The following CPOX variants were observed in gnomAD, a reference collection of about 807,000 sequenced individuals.
The protein encoded by CPOX is oxygen-dependent coproporphyrinogen-III oxidase, mitochondrial.
A neutral mutation model predicts 48.9 loss-of-function variants in CPOX; 24 were observed. That is an observed-to-expected ratio of 0.49 (90% CI 0.36 to 0.69). The LOEUF is 0.69. CPOX is among the 30% of genes least tolerant of loss of function. The probability of loss-of-function intolerance (pLI) is 0.00; values close to 1 mark genes in which losing one functional copy is unlikely to be tolerated. For synonymous variants in CPOX, 249 were observed against 234.6 expected, an observed-to-expected ratio of 1.06 and a Z score of -0.56; for missense variants, 549 against 597.3, an observed-to-expected ratio of 0.92 and a Z score of 0.84.
chr3:98,586,868 C>A (rs1274194974), intron 4 of CPOX, among the ~76,000 whole-genome samples: 3 of 152,008 alleles, frequency 2.0e-5, no homozygotes, highest in Admixed American at 2.0e-4. Context: ...GGCGTGAACC[C>A]GGAAGGCAGA....
intron 5 of CPOX, among the ~76,000 whole-genome samples, chr3:98,584,566 C>T (rs1559675488): frequency 6.6e-6 from 1 of 152,168 alleles, no homozygotes; most frequent in Admixed American, 6.5e-5. Flanking sequence ...AAAGCTTTAC[C>T]TCTTTAGTAC....
intron 4 of CPOX, among the ~76,000 whole-genome samples, chr3:98,588,220 T>C (rs1707404316): frequency 1.0e-5 from 1 of 96,988 alleles, no homozygotes; most frequent in Non-Finnish European, 2.0e-5. Context: ...CTGGGTCTTC[T>C]CCCAACTTTT....
At chr3:98,577,785 C>G (rs1707184304), downstream of CPOX, among the ~76,000 whole-genome samples, 1 of 152,206 alleles carries the variant, frequency 6.6e-6, no homozygotes, top group South Asian at 2.1e-4. Context: ...CCAAGATGAG[C>G]TGAGCCTTTG....
At chr3:98,585,922 G>A in intron 4 of CPOX, 1 of 388,960 alleles carries the variant, frequency 2.6e-6, no homozygotes, top group South Asian at 2.1e-5. Flanking sequence ...CCCCACGCTG[G>A]AGTGCAGTGG....
Position 98,593,446 on chromosome 3 carries a change from C to T in CPOX, c.59G>A (p.Gly20Asp), listed in dbSNP as rs1317076004. 1 of 1,489,536 alleles carries T rather than the reference C, an allele frequency of 6.7e-7. No individual in the cohort carries two copies. Among genetic ancestry groups the T allele is most frequent in the Admixed American group, 2.2e-5 (1 of 45,104 alleles). 92.3% of individuals were successfully genotyped at this position (1,489,536 alleles called of 1,614,324 possible). Residue 20 changes from glycine to aspartate, a missense_variant, in exon 1 of 7, where the codon GGC (glycine) becomes GAC (aspartate). Transcript: ENST00000647941. ...GGACCAGGCGCGGGGCCCTCCGCAGCCGCCCCGCGCCACGAGCCAGCAGGG... is the reference window on the plus strand; with the variant it reads ...GGACCAGGCGCGGGGCCCTCCGCAGTCGCCCCGCGCCACGAGCCAGCAGGG... ...SGPCWLVARGGCGGPRAWSQC... is the reference protein window; with the variant it reads ...SGPCWLVARGDCGGPRAWSQC...
At chr3:98,581,608 C>A (rs1707260763) in intron 5 of CPOX, 97 bp from the exon 6 acceptor site, 2 of 911,668 alleles carry the variant, frequency 2.2e-6, no homozygotes, top group South Asian at 1.4e-5. Context: ...TTCTTCCCCC[C>A]AGTTCCCATC....
chr3:98,575,159 G>A (rs60071844), downstream of CPOX, among the ~76,000 whole-genome samples: 61,095 of 152,012 alleles, frequency 0.4, 12,409 homozygotes, highest in Middle Eastern at 0.49. Flanking sequence ...GAGGCATTCA[G>A]CCAGTACAGC....
At chr3:98,579,383 A>G (rs1337656886), downstream of CPOX, 1 of 536,842 alleles carries the variant, frequency 1.9e-6, no homozygotes, top group African/African-American at 2.1e-5. Flanking sequence ...TCAAGGATCA[A>G]CTGTACTAAG....
At position 98,585,482 on chromosome 3, in the gene CPOX, G is replaced by C; in HGVS notation, c.1131C>G (p.Phe377Leu). ...PLVKKHCDDS[F>L]TPQEKLWQQL... ...GCTGCCACAGCTTCTCCTGGGGGGT[G>C]AATGAGTCATCACAGTGCTTTTTCA... Residue 377 changes from phenylalanine to leucine, a missense_variant, in exon 5 of 7, where the codon TTC becomes TTG. Phe to Leu is a conservative substitution (Grantham distance 22, BLOSUM62 0). Coordinates refer to ENST00000647941, the MANE Select transcript of CPOX (RefSeq NM_000097.7). 1 of 1,614,062 alleles carries C rather than the reference G, an allele frequency of 6.2e-7. No homozygotes were observed. Among genetic ancestry groups the C allele is most frequent in the Non-Finnish European group, 8.5e-7 (1 of 1,180,008 alleles).
At chr3:98,587,695 T>C (rs145505813) in intron 4 of CPOX, among the ~76,000 whole-genome samples, 36 of 151,786 alleles carry the variant, frequency 2.4e-4, no homozygotes, top group African/African-American at 7.3e-4. Context: ...TACTGCCAGA[T>C]TGGGGGTTAA....
the CPOX span, among the ~76,000 whole-genome samples, chr3:98,572,210 A>C: frequency 1.3e-5 from 2 of 152,186 alleles, no homozygotes. Context: ...CTCCTTGTGA[A>C]TATAGTTATG....
chr3:98,578,500 T>C (rs191796811), downstream of CPOX, among the ~76,000 whole-genome samples: 1 of 152,336 alleles, frequency 6.6e-6, no homozygotes, highest in African/African-American at 2.4e-5. Flanking sequence ...CATTTTAAGT[T>C]CAGTGAATTT....
At chr3:98,590,851 T>A in intron 2 of CPOX, 109 bp from the exon 3 acceptor site, 1 of 1,237,666 alleles carries the variant, frequency 8.1e-7, no homozygotes, top group Non-Finnish European at 1.2e-6. Context: ...TGCTTTTTAA[T>A]TTGTCACTTA....
At chr3:98,577,714 C>T (rs1707183124), downstream of CPOX, among the ~76,000 whole-genome samples, 1 of 152,208 alleles carries the variant, frequency 6.6e-6, no homozygotes, top group Non-Finnish European at 1.5e-5. Flanking sequence ...CACCATACTG[C>T]CTTTGCCTTT....
chr3:98,589,516 C>CACACAT (rs765150856), intron 3 of CPOX: 8 of 150,626 alleles, frequency 5.3e-5, no homozygotes, highest in African/African-American at 1.9e-4. Flanking sequence ...TCACAATAAA[C>CACACAT]ACACACACAC....
rs150235153 is a variant in CPOX at position 98,585,477 on chromosome 3, G to C, written c.1136C>G (p.Pro379Arg). The C allele has an allele frequency of 2.2e-5, 35 of 1,613,920 alleles. No homozygotes were observed. The highest frequency in any genetic ancestry group is 2.7e-5 in the Non-Finnish European group (32 of 1,180,026). Reference sequence around the variant, plus strand: ...GAGCTGCTGCCACAGCTTCTCCTGGGGGGTGAATGAGTCATCACAGTGCTT... The same window carrying C: ...GAGCTGCTGCCACAGCTTCTCCTGGCGGGTGAATGAGTCATCACAGTGCTT... ...VKKHCDDSFTPQEKLWQQLRR... is the reference protein window; with the variant it reads ...VKKHCDDSFTRQEKLWQQLRR... The change falls in exon 5 of 7, where the codon CCC (proline) becomes CGC (arginine). Residue 379 changes from proline to arginine, a missense_variant. Physicochemically the swap from Pro to Arg is moderately radical, Grantham distance 103. This residue lies in a region of CPOX where 213 missense variants were observed against 279.1 expected (regional missense o/e 0.76). Coordinates refer to ENST00000647941, the MANE Select transcript of CPOX (RefSeq NM_000097.7).
intron 4 of CPOX, among the ~76,000 whole-genome samples, chr3:98,586,084 G>A (rs998842482): frequency 1.6e-4 from 25 of 152,074 alleles, no homozygotes; most frequent in Admixed American, 5.2e-4. Context: ...GTGTTAACCA[G>A]GGTGGTCTCG....
In CPOX at chr3:98,579,658, T is replaced by G; in HGVS notation, c.*1025A>C. 1.0e-6 allele frequency: 1 copy of G among 984,800 alleles called. No individual in the cohort carries two copies. The highest frequency in any genetic ancestry group is 1.2e-6 in the Non-Finnish European group (1 of 829,348). 61.0% of individuals were successfully genotyped at this position (984,800 alleles called of 1,614,324 possible). A position where few individuals can be genotyped will look rare whatever the true frequency, so the allele number is the denominator to read the frequency against. ...AATATATGAACAAAGAAATCATACA[T>G]TAAGAATCCTGTTGTGATTTGCTCT... On this transcript the variant is annotated 3_prime_UTR_variant, in exon 7 of 7. Coordinates refer to ENST00000647941, the MANE Select transcript of CPOX (RefSeq NM_000097.7).
intron 5 of CPOX, 86 bp from the exon 6 acceptor site, chr3:98,581,597 G>A: frequency 9.2e-7 from 1 of 1,086,740 alleles, no homozygotes. Flanking sequence ...AAAGGGGTGG[G>A]TTCTTCCCCC....
Sources: allele counts gnomAD v4.1 joint callset (sites outside exome capture counted in the v4.1 genomes callset), GRCh38; gene constraint gnomAD v4.1.1; regional missense constraint gnomAD v4.1.1; transcripts MANE v1.5; gene names NCBI Gene and HGNC (gene_info 2026-07-23, HGNC 2026-07-21).